Variants in TOX observed in about 807,000 individuals in gnomAD.
TOX encodes thymocyte selection-associated high mobility group box protein TOX.
In TOX, 11 loss-of-function variants were observed where a neutral mutation model predicts 53.7. The ratio of observed to expected loss-of-function variants is 0.20; its 90% CI spans 0.13 to 0.34. The LOEUF (loss-of-function observed/expected upper bound fraction) is 0.34. Ranked by LOEUF, TOX falls within the 10% of genes least tolerant of loss-of-function variation. TOX has a pLI of 1.00. For synonymous variants in TOX, 225 were observed against 245.3 expected, an observed-to-expected ratio of 0.92 and a Z score of 0.77; for missense variants, 570 against 664.6, an observed-to-expected ratio of 0.86 and a Z score of 1.56.
Position 58,815,657 on chromosome 8 carries a change from A to C in TOX, c.1073T>G (p.Val358Gly). 1 of 1,614,138 alleles carries C rather than the reference A, an allele frequency of 6.2e-7. No individual in the cohort carries two copies. The stretch of plus-strand genomic sequence containing the variant: ...GTGGGCCTGGCTGGGCCCATGGAAC[A>C]CCGACGGCTTCGAATTGATCAGCTG... ...PPQLINSKPS[V>G]FHGPSQAHSA... The change falls in exon 7 of 9, where the codon GTG (valine) becomes GGG (glycine). Residue 358 changes from valine to glycine, a missense_variant. By Grantham distance (109) the Val-to-Gly change is moderately radical. Coordinates refer to ENST00000361421, the MANE Select transcript of TOX (RefSeq NM_014729.3).
At chr8:58,967,522 C>A (rs1457719581) in intron 1 of TOX, among the ~76,000 whole-genome samples, 2 of 152,110 alleles carry the variant, frequency 1.3e-5, no homozygotes, top group Non-Finnish European at 2.9e-5. Flanking sequence ...ATTGCCACCA[C>A]AGCTACAAAC....
intron 1 of TOX, among the ~76,000 whole-genome samples, chr8:59,062,449 T>C (rs1382450104): frequency 6.6e-6 from 1 of 152,216 alleles, no homozygotes; most frequent in African/African-American, 2.4e-5. Context: ...TTTATAAATA[T>C]GGAAAATTTA....
intron 3 of TOX, among the ~76,000 whole-genome samples, chr8:58,907,554 C>T (rs1262175943): frequency 2.0e-5 from 3 of 151,942 alleles, no homozygotes; most frequent in African/African-American, 7.3e-5. Flanking sequence ...GAGATCACAC[C>T]ATTGCACTCC....
chr8:58,922,490 A>C (rs1812090103), intron 3 of TOX, among the ~76,000 whole-genome samples: 1 of 152,180 alleles, frequency 6.6e-6, no homozygotes, highest in African/African-American at 2.4e-5. Context: ...TTTTTAAATG[A>C]CTTTTTAATT....
chr8:59,114,665 T>C (rs1449254318), intron 1 of TOX, among the ~76,000 whole-genome samples: 1 of 152,166 alleles, frequency 6.6e-6, no homozygotes, highest in Non-Finnish European at 1.5e-5. Context: ...TCTAAACTGC[T>C]TATAACCCTC....
chr8:58,914,710 G>A (rs1208462033), intron 3 of TOX, among the ~76,000 whole-genome samples: 2 of 152,160 alleles, frequency 1.3e-5, no homozygotes, highest in Non-Finnish European at 2.9e-5. Flanking sequence ...CAAGATGGCC[G>A]AATAGGAACA....
chr8:58,883,710 A>G (rs1811422929), intron 3 of TOX, among the ~76,000 whole-genome samples: 1 of 152,056 alleles, frequency 6.6e-6, no homozygotes, highest in Non-Finnish European at 1.5e-5. Context: ...TTCTATGAAC[A>G]TTGTTCATTC....
intron 3 of TOX, among the ~76,000 whole-genome samples, chr8:58,860,467 C>T (rs897436664): frequency 6.6e-6 from 1 of 152,154 alleles, no homozygotes. Flanking sequence ...TTAAATGCTT[C>T]CTTAAAACAT....
rs1303848667 is a variant in TOX at position 59,118,361 on chromosome 8, G to C, written c.102+525C>G. 2.6e-5 allele frequency among the ~76,000 whole-genome samples: 4 copies of C among 152,182 alleles called. No homozygotes were observed. Among genetic ancestry groups the C allele is most frequent in the African/African-American group, 9.7e-5 (4 of 41,444 alleles). ...GGTTTGAGAAAACAAAAGAGTTGTG[G>C]GGCAGTTTTCCCTGTGGGGGGCAGG... is the stretch of plus-strand genomic sequence containing the variant. On this transcript the variant is annotated intron_variant, in intron 1 of 8. Transcript: ENST00000361421. The surrounding 1 kb of genome is among the most constrained non-coding windows in gnomAD (Gnocchi z 4.1).
intron 1 of TOX, among the ~76,000 whole-genome samples, chr8:59,097,694 T>G (rs1185806337): frequency 1.3e-5 from 2 of 152,196 alleles, no homozygotes; most frequent in Non-Finnish European, 2.9e-5. Flanking sequence ...CCTTGACTGA[T>G]AGTTGTACAG....
chr8:58,850,301 AG>A (rs2129168071), intron 4 of TOX, among the ~76,000 whole-genome samples: 1 of 152,332 alleles, frequency 6.6e-6, no homozygotes, highest in South Asian at 2.1e-4. Flanking sequence ...CAGAGCCCAC[AG>A]GGCCACCTAG....
chr8:58,935,537 T>G (rs1812329818), intron 3 of TOX, among the ~76,000 whole-genome samples: 1 of 152,212 alleles, frequency 6.6e-6, no homozygotes, highest in Non-Finnish European at 1.5e-5. Context: ...AACTGTTAGC[T>G]TTTATTAGTT....
At chr8:58,908,505 T>C (rs2129173592) in intron 3 of TOX, among the ~76,000 whole-genome samples, 1 of 152,348 alleles carries the variant, frequency 6.6e-6, no homozygotes, top group East Asian at 1.9e-4. Context: ...CTCTTCCAAA[T>C]TCTACAAACC....
At chr8:58,897,211 T>C (rs1011352848) in intron 3 of TOX, among the ~76,000 whole-genome samples, 25 of 152,138 alleles carry the variant, frequency 1.6e-4, no homozygotes, top group Admixed American at 1.2e-3. Flanking sequence ...CAGATGATGA[T>C]CATCATTTTC....
chr8:59,092,355 T>TTA lies in TOX; in HGVS notation c.102+26529_102+26530dup, dbSNP rs1338676002. ...ATATATTATATATACATTATATATA[T>TTA]TATATATATATAATAAAAAATAAAA... On this transcript the variant is annotated intron_variant, in intron 1 of 8. Transcript: ENST00000361421. 3.4e-4 allele frequency among the ~76,000 whole-genome samples: 45 copies of TTA among 132,446 alleles called. No homozygotes were observed. The East Asian group carries it at 4.3e-3, about 13-fold the overall frequency. The allele number at this position is 132,446 out of a possible 152,430, so 86.9% of individuals were successfully genotyped here.
intron 1 of TOX, among the ~76,000 whole-genome samples, chr8:59,046,044 TC>T (rs1803676391): frequency 6.6e-6 from 1 of 152,106 alleles, no homozygotes; most frequent in Admixed American, 6.5e-5. Context: ...GTGACTGCCG[TC>T]CCCTGGGTTT....
chr8:59,025,648 C>A (rs1449593323), intron 1 of TOX, among the ~76,000 whole-genome samples: 2 of 152,130 alleles, frequency 1.3e-5, no homozygotes, highest in Non-Finnish European at 2.9e-5. Flanking sequence ...GCCTTCTCCC[C>A]CTAGTCTCTC....
At chr8:59,114,058 G>T (rs1307487060) in intron 1 of TOX, among the ~76,000 whole-genome samples, 1 of 152,060 alleles carries the variant, frequency 6.6e-6, no homozygotes, top group Non-Finnish European at 1.5e-5. Context: ...TGAGAACCAG[G>T]TTGGTACCCA....
chr8:58,897,808 A>C (rs1811676977), intron 3 of TOX, among the ~76,000 whole-genome samples: 1 of 151,456 alleles, frequency 6.6e-6, no homozygotes, highest in African/African-American at 2.4e-5. Context: ...CTTACCTTGG[A>C]TATTTCTACA....
Sources: allele counts gnomAD v4.1 joint callset (sites outside exome capture counted in the v4.1 genomes callset), GRCh38; gene constraint gnomAD v4.1.1; non-coding constraint Gnocchi (gnomAD v3.1); transcripts MANE v1.5; gene names NCBI Gene and HGNC (gene_info 2026-07-23, HGNC 2026-07-21).